Variants in KIDINS220 observed in about 807,000 individuals in gnomAD.
KIDINS220 encodes kinase D-interacting substrate of 220 kDa.
In KIDINS220, 63 loss-of-function variants were observed where a neutral mutation model predicts 157.6. The observed-to-expected ratio is 0.40, with a 90% CI of 0.33 to 0.49. The LOEUF is 0.49. Among genes scored for constraint, KIDINS220 ranks in the 20% least tolerant of loss-of-function variants. The pLI, the probability that KIDINS220 is intolerant of heterozygous loss-of-function variation, is 0.66. For synonymous variants in KIDINS220, 732 were observed against 783.6 expected (o/e 0.93, Z 1.10); for missense variants, 1,772 against 2,171.2 (o/e 0.82, Z 3.65).
chr2:8,731,089 G>C lies in KIDINS220; in HGVS notation c.4947C>G (p.Asp1649Glu), dbSNP rs202094672. ...AGCTGCATTCGGAAGGGCTTTTCTT[G>C]TCTTCTGAACAAATGGACATCCGAG... ...IIARMSICSE[D>E]KKSPSECSLI... is the part of the protein sequence containing the mutation. Residue 1649 changes from aspartate to glutamate, a missense_variant, in exon 30 of 30, where the codon GAC (aspartate) becomes GAG (glutamate). Transcript: ENST00000256707. The surrounding 1 kb of genome is among the most constrained non-coding windows in gnomAD (Gnocchi z 5.2). The C allele has an allele frequency of 1.9e-4, 310 of 1,614,178 alleles. 1 individual carries two copies. In the African/African-American group the frequency reaches 3.7e-3, roughly 19 times the overall value.
intron 15 of KIDINS220, among the ~76,000 whole-genome samples, chr2:8,788,426 G>A (rs1572660957): frequency 6.6e-6 from 1 of 152,024 alleles, no homozygotes; most frequent in Non-Finnish European, 1.5e-5. Context: ...GCGCCATGAC[G>A]CCCCCGCTAA....
rs148923059 is a variant in KIDINS220, at chr2:8,784,602, G to A, written c.2229+1139C>T. ...ACAACCTGACTGAAAAATAAGCCAAGACCTTCACAGCCAATTCACCAAAGA... is the reference window on the plus strand; with the variant it reads ...ACAACCTGACTGAAAAATAAGCCAAAACCTTCACAGCCAATTCACCAAAGA... On this transcript the variant is annotated intron_variant, in intron 17 of 29. Transcript: ENST00000256707. 6.7e-3 allele frequency among the ~76,000 whole-genome samples: 1,018 copies of A among 152,234 alleles called. 2 individuals carry two copies. The highest frequency in any genetic ancestry group is 0.01 in the Non-Finnish European group (697 of 68,014).
At chr2:8,764,404 T>A (rs1389936402) in intron 22 of KIDINS220, among the ~76,000 whole-genome samples, 2 of 152,126 alleles carry the variant, frequency 1.3e-5, no homozygotes, top group East Asian at 3.9e-4. Flanking sequence ...ATAAAAATTT[T>A]AAAAAACACA....
At chr2:8,748,077 CAATAAGATACAACT>C in intron 24 of KIDINS220, 77 bp from the exon 25 acceptor site, 3 of 748,686 alleles carry the variant, frequency 4.0e-6, no homozygotes, top group Non-Finnish European at 6.1e-6. Flanking sequence ...CAAATGAAAC[CAATAAGATACAACT>C]CCAAAACTTT....
At chr2:8,744,363 CAAAAAA>C (rs547083543) in intron 26 of KIDINS220, among the ~76,000 whole-genome samples, 62 of 9,282 alleles carry the variant, frequency 6.7e-3, no homozygotes, top group East Asian at 0.011. Flanking sequence ...TTCCTCATGG[CAAAAAA>C]AAAAAAAAAA....
intron 25 of KIDINS220, 91 bp downstream of exon 25, chr2:8,747,796 T>C: frequency 1.5e-6 from 1 of 651,746 alleles, no homozygotes; most frequent in South Asian, 4.1e-5. Context: ...TCAGTTGCAC[T>C]CTTTTACTAT....
intron 3 of KIDINS220, 102 bp downstream of exon 3, chr2:8,818,593 T>C (rs983740033): frequency 2.2e-5 from 14 of 650,758 alleles, no homozygotes; most frequent in East Asian, 2.0e-4. Context: ...AGTTGAAATA[T>C]ATGTAAAAGT....
At chr2:8,759,818 G>A (rs1668522492) in intron 22 of KIDINS220, among the ~76,000 whole-genome samples, 1 of 152,098 alleles carries the variant, frequency 6.6e-6, no homozygotes, top group South Asian at 2.1e-4. Flanking sequence ...AGAACGAAGT[G>A]GCTGAATACC....
chr2:8,812,502 A>G lies in KIDINS220; in HGVS notation c.406-9T>C, dbSNP rs1676464695. 4 of 1,513,000 alleles carry G rather than the reference A, an allele frequency of 2.6e-6. No homozygotes were observed. Among genetic ancestry groups the G allele is most frequent in the Admixed American group, 2.0e-5 (1 of 50,236 alleles). The allele number at this position is 1,513,000 out of a possible 1,614,324, so 93.7% of individuals were successfully genotyped here. A position where few individuals can be genotyped will look rare whatever the true frequency, so the allele number is the denominator to read the frequency against. On this transcript the variant is annotated splice_polypyrimidine_tract_variant and intron_variant, in intron 5 of 29. Transcript: ENST00000256707. ...ATTGGGTAAACACTGTACTGCTAGG[A>G]TAGATTGGTTGGTAGGTAGGTAGAT...
At chr2:8,780,690 T>C (rs996814353) in intron 17 of KIDINS220, among the ~76,000 whole-genome samples, 8 of 151,916 alleles carry the variant, frequency 5.3e-5, no homozygotes, top group Non-Finnish European at 1.2e-4. Flanking sequence ...AGAAGTGATA[T>C]AGTATTACTT....
intron 2 of KIDINS220, among the ~76,000 whole-genome samples, chr2:8,826,419 G>A (rs4668594): frequency 0.41 from 62,962 of 151,948 alleles, 15,094 homozygotes; most frequent in East Asian, 0.59. Context: ...GACCAGCCTG[G>A]CCAACATGGA....
At chr2:8,753,746 A>C (rs1363406599) in intron 22 of KIDINS220, among the ~76,000 whole-genome samples, 2 of 152,234 alleles carry the variant, frequency 1.3e-5, no homozygotes, top group African/African-American at 4.8e-5. Flanking sequence ...TGGGACTAGC[A>C]CTTTACTGCT....
intron 17 of KIDINS220, among the ~76,000 whole-genome samples, chr2:8,780,957 C>T (rs1312137220): frequency 2.0e-5 from 3 of 151,166 alleles, no homozygotes; most frequent in Non-Finnish European, 4.4e-5. Flanking sequence ...TCCCTTTGAG[C>T]GTCAGTGTTC....
downstream of KIDINS220, among the ~76,000 whole-genome samples, chr2:8,725,841 A>G (rs545950067): frequency 6.6e-6 from 1 of 152,296 alleles, no homozygotes. Flanking sequence ...ATTCAGTTTG[A>G]TATGTTATTC....
intron 1 of KIDINS220, among the ~76,000 whole-genome samples, chr2:8,833,937 C>T (rs538901689): frequency 2.6e-5 from 4 of 152,268 alleles, no homozygotes; most frequent in East Asian, 1.9e-4. Flanking sequence ...AACTTTTCTC[C>T]GGTTACAGAC....
chr2:8,776,883 G>A lies in KIDINS220; in HGVS notation c.2713C>T (p.Arg905Ter), dbSNP rs755778030. Reference sequence around the variant, plus strand: ...ATGGTCCTCTGCATCTGCCTTCTTCGGTAAGTGTCCTGAAACAGCACGTCG... The same window carrying A: ...ATGGTCCTCTGCATCTGCCTTCTTCAGTAAGTGTCCTGAAACAGCACGTCG... ...KTALNRRDTY[R>*]RRQMQRTITR... The change falls in exon 21 of 30, where the codon CGA (arginine) becomes TGA (stop). Residue 905 changes from arginine to a stop codon, truncating the protein, a stop_gained. Coordinates refer to ENST00000256707, the MANE Select transcript of KIDINS220 (RefSeq NM_020738.4). LOFTEE classifies it high-confidence loss of function. The A allele has an allele frequency of 3.7e-6, 6 of 1,613,166 alleles. No homozygotes were observed. The highest frequency in any genetic ancestry group is 3.3e-5 in the South Asian group (3 of 90,978).
In KIDINS220 at chr2:8,780,941, C is replaced by T. The variant is rs73141429; in HGVS notation, c.2230-1127G>A. On this transcript the variant is annotated intron_variant, in intron 17 of 29. Coordinates refer to ENST00000256707, the MANE Select transcript of KIDINS220 (RefSeq NM_020738.4). ...ACGATAGATATTAATCCATCAAAAC[C>T]AATTATCCCTTTGAGCGTCAGTGTT... 1.2e-4 allele frequency among the ~76,000 whole-genome samples: 18 copies of T among 151,258 alleles called. No homozygotes were observed. In the South Asian group the frequency reaches 3.8e-3, roughly 32 times the overall value.
chr2:8,836,668 G>A (rs1426693321), intron 1 of KIDINS220, among the ~76,000 whole-genome samples: 1 of 152,136 alleles, frequency 6.6e-6, no homozygotes, highest in Non-Finnish European at 1.5e-5. Context: ...AATACCCCAC[G>A]GTGGTTTAAA....
intron 26 of KIDINS220, among the ~76,000 whole-genome samples, chr2:8,741,263 A>C (rs926628184): frequency 6.6e-6 from 1 of 152,230 alleles, no homozygotes; most frequent in African/African-American, 2.4e-5. Flanking sequence ...TTTAAGAGCA[A>C]TCTTTTAAAA....
Sources: allele counts gnomAD v4.1 joint callset (sites outside exome capture counted in the v4.1 genomes callset), GRCh38; gene constraint gnomAD v4.1.1; non-coding constraint Gnocchi (gnomAD v3.1); transcripts MANE v1.5; gene names NCBI Gene and HGNC (gene_info 2026-07-23, HGNC 2026-07-21).